POU2F1: variants seen among roughly 807,000 people sequenced by gnomAD.
POU2F1 encodes POU class 2 homeobox 1.
In POU2F1, 16 loss-of-function variants were observed where a neutral mutation model predicts 84.9. That is an observed-to-expected ratio of 0.19 (90% CI 0.13 to 0.29). The LOEUF is 0.29. Ranked by LOEUF, POU2F1 falls within the 10% of genes least tolerant of loss-of-function variation. The pLI, the probability that POU2F1 is intolerant of heterozygous loss-of-function variation, is 1.00. For synonymous variants in POU2F1, 368 were observed against 368.3 expected (o/e 1.00, Z 0.01); for missense variants, 738 against 942.6 (o/e 0.78, Z 2.84).
intron 14 of POU2F1, 99 bp downstream of exon 14, chr1:167,412,403 A>AG (rs35736613): frequency 0.68 from 745,305 of 1,102,546 alleles, 257,904 homozygotes; most frequent in East Asian, 0.89. Flanking sequence ...TGGGGAAAAA[A>AG]ATGTCTTTAA....
chr1:167,421,184 C>T lies in POU2F1; in HGVS notation c.*5374C>T, dbSNP rs972292635. Reference sequence around the variant, plus strand: ...TCTTTCTCAGCGTTTACAAACTTGGCTTTTGAGAAGGGAAAAATCCTCTTT... The same window carrying T: ...TCTTTCTCAGCGTTTACAAACTTGGTTTTTGAGAAGGGAAAAATCCTCTTT... On this transcript the variant is annotated 3_prime_UTR_variant, in exon 16 of 16. Coordinates refer to ENST00000367866, the MANE Select transcript of POU2F1 (RefSeq NM_002697.4). 2.0e-5 allele frequency: 3 copies of T among 152,130 alleles called. No homozygotes were observed. The highest frequency in any genetic ancestry group is 4.4e-5 in the Non-Finnish European group (3 of 68,016). 9.4% of individuals were successfully genotyped at this position (152,130 alleles called of 1,614,324 possible).
chr1:167,259,693 C>T (rs1188485554), intron 1 of POU2F1, among the ~76,000 whole-genome samples: 2 of 152,060 alleles, frequency 1.3e-5, no homozygotes, highest in African/African-American at 4.8e-5. Flanking sequence ...TCAGATACTG[C>T]GAGAGTGACT....
At chr1:167,335,284 T>G (rs1657369269) in intron 2 of POU2F1, among the ~76,000 whole-genome samples, 1 of 152,172 alleles carries the variant, frequency 6.6e-6, no homozygotes. Context: ...TAACTGATTC[T>G]GGATAGATTA....
intron 1 of POU2F1, among the ~76,000 whole-genome samples, chr1:167,324,297 A>G (rs1356237871): frequency 7.8e-6 from 1 of 127,974 alleles, no homozygotes; most frequent in Non-Finnish European, 1.5e-5. Flanking sequence ...TCTAGAACAC[A>G]TCGCAATACA....
At chr1:167,382,535 A>G (rs1408148864) in intron 7 of POU2F1, among the ~76,000 whole-genome samples, 1 of 152,222 alleles carries the variant, frequency 6.6e-6, no homozygotes, top group African/African-American at 2.4e-5. Flanking sequence ...TCTAATTCTA[A>G]TATAAGGCCA....
intron 6 of POU2F1, 135 bp downstream of exon 6, chr1:167,374,431 C>T (rs1416169641): frequency 1.5e-5 from 11 of 745,678 alleles, no homozygotes; most frequent in Admixed American, 3.4e-5. Flanking sequence ...GTGAGGTAAG[C>T]GGTACCCTTC....
chr1:167,237,735 T>C (rs1034475089), intron 1 of POU2F1, among the ~76,000 whole-genome samples: 2 of 135,764 alleles, frequency 1.5e-5, no homozygotes, highest in South Asian at 4.5e-4. Flanking sequence ...TAAATCCATA[T>C]ATGTGTGTGT....
rs150289050 is a variant in POU2F1, at chr1:167,320,172, A to G, written c.62-12298A>G. Among the ~76,000 whole-genome samples, 374 of 152,324 alleles carry G rather than the reference A, an allele frequency of 2.5e-3. 2 individuals carry two copies. The highest frequency in any genetic ancestry group is 5.3e-3 in the Admixed American group (81 of 15,298). ...TTGGAATCGTAGCTGAGCATTTTCA[A>G]CTAACTGTGTAGAATGAACCACATA... On this transcript the variant is annotated intron_variant, in intron 1 of 15. Coordinates refer to ENST00000367866, the MANE Select transcript of POU2F1 (RefSeq NM_002697.4).
At chr1:167,256,162 T>G (rs1006831015) in intron 1 of POU2F1, among the ~76,000 whole-genome samples, 1 of 152,094 alleles carries the variant, frequency 6.6e-6, no homozygotes, top group African/African-American at 2.4e-5. Context: ...TGATGAAGGA[T>G]GAGAGTGGTT....
Position 167,401,544 on chromosome 1 carries a change from C to G in POU2F1, c.1543C>G (p.Leu515Val). The G allele has an allele frequency of 6.2e-7, 1 of 1,605,842 alleles. No homozygotes were observed. The highest frequency in any genetic ancestry group is 1.1e-5 in the South Asian group (1 of 89,340). Residue 515 changes from leucine (L) to valine (V), a missense_variant, in exon 13 of 16, where the codon CTT (leucine) becomes GTT (valine). Leu to Val is a conservative substitution (Grantham distance 32). Coordinates refer to ENST00000367866, the MANE Select transcript of POU2F1 (RefSeq NM_002697.4). ...TCTGACCAGTGCTGCTGTGACGAATCTTTCAGTTACAGGTAAGCAGCTGCC... is the reference window on the plus strand; with the variant it reads ...TCTGACCAGTGCTGCTGTGACGAATGTTTCAGTTACAGGTAAGCAGCTGCC... ...LPLTSAAVTN[L>V]SVTGTSDTTS...
At chr1:167,337,636 C>G (rs1319063408) in intron 2 of POU2F1, among the ~76,000 whole-genome samples, 1 of 151,460 alleles carries the variant, frequency 6.6e-6, no homozygotes, top group African/African-American at 2.4e-5. Context: ...TGTGGTGGCT[C>G]ACACCTGTAA....
intron 1 of POU2F1, among the ~76,000 whole-genome samples, chr1:167,287,280 G>A (rs1653597532): frequency 6.6e-6 from 1 of 152,172 alleles, no homozygotes. Flanking sequence ...TGTGTGGTCT[G>A]GGAAACCCAG....
intron 1 of POU2F1, among the ~76,000 whole-genome samples, chr1:167,247,100 G>A (rs1243779229): frequency 3.3e-5 from 5 of 151,542 alleles, no homozygotes; most frequent in Non-Finnish European, 2.9e-5. Context: ...TAAAGAAACA[G>A]GGTCTCACTC....
Position 167,416,186 on chromosome 1 carries a change from G to T in POU2F1, c.*376G>T. On this transcript the variant is annotated 3_prime_UTR_variant, in exon 16 of 16. Transcript: ENST00000367866. ...CCAGCAGTCATGATGACAAGTTAAG[G>T]TGGGTTACCAATTCCAATATAGGAA... The T allele has an allele frequency of 2.9e-6, 1 of 343,166 alleles. No homozygotes were observed. The highest frequency in any genetic ancestry group is 5.5e-6 in the Non-Finnish European group (1 of 182,128). 21.3% of individuals were successfully genotyped at this position (343,166 alleles called of 1,614,324 possible).
chr1:167,333,732 C>T (rs1353155294), intron 2 of POU2F1, among the ~76,000 whole-genome samples: 1 of 152,184 alleles, frequency 6.6e-6, no homozygotes, highest in Non-Finnish European at 1.5e-5. Flanking sequence ...TCTGTAGTAT[C>T]TCTTAAGAAG....
At chr1:167,362,140 G>A (rs1008448344) in intron 2 of POU2F1, among the ~76,000 whole-genome samples, 2 of 151,942 alleles carry the variant, frequency 1.3e-5, no homozygotes, top group South Asian at 4.2e-4. Context: ...TCCAATTTAG[G>A]TCTTTATGTT....
intron 1 of POU2F1, among the ~76,000 whole-genome samples, chr1:167,315,628 G>GT (rs1655834021): frequency 6.7e-6 from 1 of 148,708 alleles, no homozygotes; most frequent in Non-Finnish European, 1.5e-5. Context: ...ATTGTTTTTT[G>GT]TTTGTTTGTT....
intron 5 of POU2F1, among the ~76,000 whole-genome samples, 160 bp downstream of exon 5, chr1:167,372,196 C>T (rs1660053276): frequency 6.6e-6 from 1 of 152,110 alleles, no homozygotes; most frequent in Admixed American, 6.5e-5. Context: ...TAGTAAGTTG[C>T]TCTGAAAAAG....
At chr1:167,354,660 T>A (rs1049829706) in intron 2 of POU2F1, among the ~76,000 whole-genome samples, 5 of 152,192 alleles carry the variant, frequency 3.3e-5, no homozygotes, top group African/African-American at 1.2e-4. Context: ...CCAGAGCATT[T>A]GTACTGGTTT....
Sources: gnomAD v4.1 joint callset for allele counts (sites outside exome capture counted in the v4.1 genomes callset) on GRCh38, gnomAD v4.1.1 for gene constraint, MANE v1.5 for transcripts, NCBI Gene and HGNC (gene_info 2026-07-23, HGNC 2026-07-21) for gene names.